The following DNMBP variants were observed in gnomAD, a reference collection of about 807,000 sequenced individuals.
The protein encoded by DNMBP is dynamin-binding protein.
DNMBP carries 87 observed loss-of-function variants against 150.0 expected under a neutral mutation model. The ratio of observed to expected loss-of-function variants is 0.58; its 90% CI spans 0.49 to 0.69. DNMBP has a LOEUF of 0.69. Ranked by LOEUF, DNMBP falls within the 30% of genes least tolerant of loss-of-function variation. The pLI is 0.00. For missense variants in DNMBP, 1,774 were observed against 1,949.0 expected, an observed-to-expected ratio of 0.91 and a Z score of 1.69; for synonymous variants, 711 against 750.4, an observed-to-expected ratio of 0.95 and a Z score of 0.86.
intron 1 of DNMBP, among the ~76,000 whole-genome samples, chr10:100,008,653 T>C (rs998776569): frequency 6.6e-6 from 1 of 152,232 alleles, no homozygotes; most frequent in Admixed American, 6.5e-5. Flanking sequence ...AGTGACGTGT[T>C]TCAAGTTAAC....
At position 99,970,971 on chromosome 10, in the gene DNMBP, C is replaced by CAAAAAAAAAAAAAAAAAAAAAAAAAAAAA. The variant is rs532226561; in HGVS notation, c.145+1008_145+1009insTTTTTTTTTTTTTTTTTTTTTTTTTTTTT. 1.1e-3 allele frequency among the ~76,000 whole-genome samples: 36 copies of CAAAAAAAAAAAAAAAAAAAAAAAAAAAAA among 33,192 alleles called. 9 individuals are homozygous for CAAAAAAAAAAAAAAAAAAAAAAAAAAAAA. Among genetic ancestry groups the CAAAAAAAAAAAAAAAAAAAAAAAAAAAAA allele is most frequent in the Admixed American group, 1.6e-3 (3 of 1,846 alleles). The allele number at this position is 33,192 out of a possible 152,430, so 21.8% of individuals were successfully genotyped here. A position where few individuals can be genotyped will look rare whatever the true frequency, so the allele number is the denominator to read the frequency against. On this transcript the variant is annotated intron_variant, in intron 2 of 16. Transcript: ENST00000324109. ...TGGGCAACAGAGCAAGACTCCGTCT[C>CAAAAAAAAAAAAAAAAAAAAAAAAAAAAA]AAAAAAAAAAAAAAAAAAAAAAAAA...
chr10:99,894,810 ACAAAAAGTATGATGGGG>A, intron 11 of DNMBP, 119 bp downstream of exon 11: 1 of 637,346 alleles, frequency 1.6e-6, no homozygotes, highest in East Asian at 2.8e-5. Flanking sequence ...TGGCATCTCA[ACAAAAAGTATGATGGGG>A]CATAATAGTA....
At chr10:99,906,733 C>A (rs1157672768) in intron 6 of DNMBP, among the ~76,000 whole-genome samples, 1 of 152,152 alleles carries the variant, frequency 6.6e-6, no homozygotes, top group African/African-American at 2.4e-5. Context: ...CCCTGAGCCC[C>A]AGATGATGGC....
rs749252887 is a variant in DNMBP at position 99,917,968 on chromosome 10, C to CAAAAA, written c.2261-8827_2261-8823dup. Among the ~76,000 whole-genome samples, 98 of 50,792 alleles carry CAAAAA rather than the reference C, an allele frequency of 1.9e-3. 1 individual carries two copies. Among genetic ancestry groups the CAAAAA allele is most frequent in the East Asian group, 6.0e-3 (9 of 1,500 alleles). 33.3% of individuals were successfully genotyped at this position (50,792 alleles called of 152,430 possible). A position where few individuals can be genotyped will look rare whatever the true frequency, so the allele number is the denominator to read the frequency against. ...TGAGCGATGGAGTAAGACTCTGTCT[C>CAAAAA]AAAAAAAAAAAAAAAAAAAAAAGAA... On this transcript the variant is annotated intron_variant, in intron 4 of 16. Transcript: ENST00000324109.
At chr10:99,938,911 G>T (rs1014806664) in intron 4 of DNMBP, among the ~76,000 whole-genome samples, 1 of 152,068 alleles carries the variant, frequency 6.6e-6, no homozygotes, top group Non-Finnish European at 1.5e-5. Flanking sequence ...CACTCCACTG[G>T]CTCTTTTCAG....
At chr10:99,980,931 G>C (rs1489320782) in intron 1 of DNMBP, among the ~76,000 whole-genome samples, 1 of 152,152 alleles carries the variant, frequency 6.6e-6, no homozygotes, top group Non-Finnish European at 1.5e-5. Flanking sequence ...CAGGGGGTAG[G>C]GGCGAGAAGA....
intron 4 of DNMBP, among the ~76,000 whole-genome samples, chr10:99,952,416 C>T (rs1368309125): frequency 6.6e-6 from 1 of 152,174 alleles, no homozygotes; most frequent in Admixed American, 6.5e-5. Flanking sequence ...TTTTCAGGGA[C>T]TCTGAAATCA....
In DNMBP at chr10:99,886,673, T is replaced by G. The variant is rs779722694; in HGVS notation, c.3286-41A>C. On this transcript the variant is annotated intron_variant, in intron 12 of 16. Transcript: ENST00000324109. ...AGGCACATTGCTCAGCTGGACAGCA[T>G]CCCACATTTGTGATTATCCAAGTCA... The G allele has an allele frequency of 1.9e-6, 3 of 1,568,166 alleles. No homozygotes were observed. The Admixed American group carries it at 5.3e-5, about 28-fold the overall frequency.
intron 4 of DNMBP, among the ~76,000 whole-genome samples, chr10:99,915,150 C>CAT (rs1200043953): frequency 1.5e-5 from 2 of 130,226 alleles, no homozygotes; most frequent in African/African-American, 3.0e-5. Flanking sequence ...CATATATATA[C>CAT]ATATATATAC....
At chr10:99,922,505 T>TTTG (rs1442445437) in intron 4 of DNMBP, among the ~76,000 whole-genome samples, 6 of 96,484 alleles carry the variant, frequency 6.2e-5, no homozygotes, top group African/African-American at 2.5e-4. Context: ...TGCTGCTGTT[T>TTTG]TTTTTTTTTT....
intron 4 of DNMBP, among the ~76,000 whole-genome samples, chr10:99,944,930 AAGG>A (rs1329294331): frequency 2.0e-5 from 3 of 152,212 alleles, no homozygotes; most frequent in African/African-American, 4.8e-5. Flanking sequence ...AGAAATCTAA[AAGG>A]AGACCTTTTC....
At chr10:99,911,751 G>A (rs2039903203) in intron 4 of DNMBP, among the ~76,000 whole-genome samples, 1 of 152,064 alleles carries the variant, frequency 6.6e-6, no homozygotes, top group Non-Finnish European at 1.5e-5. Flanking sequence ...GCTCTTTCTC[G>A]AACTTTTTGG....
chr10:99,955,172 G>T, intron 4 of DNMBP, 42 bp downstream of exon 4: 1 of 1,547,340 alleles, frequency 6.5e-7, no homozygotes, highest in South Asian at 1.2e-5. Flanking sequence ...TGGGACTTGT[G>T]AGTGTCAAGA....
chr10:99,956,242 C>T lies in DNMBP; in HGVS notation c.1232G>A (p.Gly411Asp), dbSNP rs757446966. Residue 411 changes from glycine (G) to aspartate (D), a missense_variant, in exon 4 of 17, where the codon GGT becomes GAT. Coordinates refer to ENST00000324109, the MANE Select transcript of DNMBP (RefSeq NM_015221.4). Reference sequence around the variant, plus strand: ...AGGGACCTGAGGTTGGGAGGAAATACCATTGACTACTTCTGTAGGGTCAGA... The same window carrying T: ...AGGGACCTGAGGTTGGGAGGAAATATCATTGACTACTTCTGTAGGGTCAGA... ...PTSDPTEVVN[G>D]ISSQPQVPFH... is the part of the protein sequence containing the mutation. 94 of 1,613,556 alleles carry T rather than the reference C, an allele frequency of 5.8e-5. No individual in the cohort carries two copies. The highest frequency in any genetic ancestry group is 2.7e-4 in the South Asian group (25 of 91,042).
At chr10:99,886,974 T>G (rs1248796173) in intron 12 of DNMBP, among the ~76,000 whole-genome samples, 1 of 152,214 alleles carries the variant, frequency 6.6e-6, no homozygotes, top group Non-Finnish European at 1.5e-5. Context: ...CTGGTAACAT[T>G]TATTATGTGT....
intron 8 of DNMBP, 80 bp from the exon 9 acceptor site, chr10:99,898,365 TA>T (rs749561545): frequency 1.2e-5 from 15 of 1,206,248 alleles, no homozygotes; most frequent in South Asian, 5.0e-5. Flanking sequence ...GACCCCACCT[TA>T]AAAAAAACTT....
chr10:99,905,035 C>T (rs1181294302), intron 6 of DNMBP, among the ~76,000 whole-genome samples: 1 of 152,122 alleles, frequency 6.6e-6, no homozygotes, highest in East Asian at 1.9e-4. Flanking sequence ...TAAAATTAAG[C>T]TCTTTTAGAT....
intron 4 of DNMBP, among the ~76,000 whole-genome samples, chr10:99,923,010 T>C (rs1229602152): frequency 6.6e-6 from 1 of 152,154 alleles, no homozygotes; most frequent in Non-Finnish European, 1.5e-5. Context: ...TCCCAGCAGT[T>C]TGGGAGGCCG....
chr10:99,891,157 TCCCTCTCC>T (rs1044654317), intron 11 of DNMBP, among the ~76,000 whole-genome samples: 10 of 150,568 alleles, frequency 6.6e-5, no homozygotes, highest in Admixed American at 3.9e-4. Flanking sequence ...GAACTCCCTC[TCCCTCTCC>T]CCCTCTCCCT....
Sources: allele counts gnomAD v4.1 joint callset (sites outside exome capture counted in the v4.1 genomes callset), GRCh38; gene constraint gnomAD v4.1.1; transcripts MANE v1.5; gene names NCBI Gene and HGNC (gene_info 2026-07-23, HGNC 2026-07-21).